The following HSH2D variants were observed in gnomAD, a reference collection of about 807,000 sequenced individuals.
HSH2D encodes the protein hematopoietic SH2 domain-containing protein.
A neutral mutation model predicts 21.5 loss-of-function variants in HSH2D; 16 were observed. The ratio of observed to expected loss-of-function variants is 0.74; its 90% confidence interval spans 0.50 to 1.13. The LOEUF (loss-of-function observed/expected upper bound fraction) is 1.13. Among genes scored for constraint, HSH2D ranks in the 50% most tolerant of loss-of-function variants. HSH2D has a pLI of 0.00. For missense variants in HSH2D, 418 were observed against 441.4 expected (o/e 0.95, Z 0.47); for synonymous variants, 172 against 184.7 (o/e 0.93, Z 0.56).
chr19:16,153,865 C>T (rs917342479), intron 4 of HSH2D, among the ~76,000 whole-genome samples: 2 of 149,934 alleles, frequency 1.3e-5, no homozygotes, highest in Non-Finnish European at 1.5e-5. Flanking sequence ...TCCCAATAAA[C>T]TGCTGTGGGC....
At chr19:16,139,544 G>A (rs181486289), upstream of HSH2D, among the ~76,000 whole-genome samples, 3 of 152,290 alleles carry the variant, frequency 2.0e-5, no homozygotes, top group East Asian at 5.8e-4. Flanking sequence ...ATGGCACAGT[G>A]CACTTCAGCC....
intron 1 of HSH2D, among the ~76,000 whole-genome samples, chr19:16,147,499 GA>G (rs984018491): frequency 4.9e-5 from 7 of 142,192 alleles, no homozygotes; most frequent in South Asian, 4.4e-4. Flanking sequence ...AAAAAAAAAA[GA>G]AAAAAAACAC....
chr19:16,150,535 G>A (rs544036178), intron 2 of HSH2D, among the ~76,000 whole-genome samples: 226 of 148,708 alleles, frequency 1.5e-3, no homozygotes, highest in Non-Finnish European at 2.4e-3. Flanking sequence ...GTAAAACTCC[G>A]TCTCAAAAAA....
At position 16,135,078 on chromosome 19, in the gene HSH2D, C is replaced by G. The variant is rs904930526; in HGVS notation, c.-324+843C>G. On this transcript the variant is annotated intron_variant, in intron 1 of 7. Transcript: ENST00000616645. Reference sequence around the variant, plus strand: ...GAGGTCAGGAGTTCAGAGTTCAAGACCAGCCTGGCCAATATGGCAAAACCC... The same window carrying G: ...GAGGTCAGGAGTTCAGAGTTCAAGAGCAGCCTGGCCAATATGGCAAAACCC... Among the ~76,000 whole-genome samples, 6 of 151,710 alleles carry G rather than the reference C, an allele frequency of 4.0e-5. No homozygotes were observed. In the South Asian group the frequency reaches 1.3e-3, roughly 32 times the overall value.
intron 1 of HSH2D, among the ~76,000 whole-genome samples, chr19:16,147,171 A>G: frequency 6.6e-6 from 1 of 152,130 alleles, no homozygotes. Flanking sequence ...TTATAAAATG[A>G]ACTTTCTAGT....
intron 2 of HSH2D, among the ~76,000 whole-genome samples, chr19:16,151,765 GA>G (rs746775825): frequency 0.1 from 6,312 of 61,188 alleles, 116 homozygotes; most frequent in African/African-American, 0.13. Flanking sequence ...TGCCACAGCT[GA>G]AAAAAAAAAA....
Position 16,153,127 on chromosome 19 carries a change from C to G in HSH2D, c.300C>G (p.Thr100=), listed in dbSNP as rs1346370992. 1 of 1,599,100 alleles carries G rather than the reference C, an allele frequency of 6.3e-7. No homozygotes were observed. Among genetic ancestry groups the G allele is most frequent in the Non-Finnish European group, 8.5e-7 (1 of 1,173,420 alleles). The change falls in exon 4 of 6, where the codon ACC becomes ACG. Residue 100 remains threonine (T), a synonymous_variant. Coordinates refer to ENST00000613986, the MANE Select transcript of HSH2D (RefSeq NM_001382417.1). ...FMIPGEKVAH[T]SLDALVTFHQ... is the part of the protein sequence containing the mutation. Reference sequence around the variant, plus strand: ...TCCCCGGGGAGAAGGTGGCCCACACCTCGCTGGACGCCCTGGTCACCTTCC... The same window carrying G: ...TCCCCGGGGAGAAGGTGGCCCACACGTCGCTGGACGCCCTGGTCACCTTCC...
chr19:16,152,653 G>A lies in HSH2D; in HGVS notation c.215+12G>A. 1 of 1,544,356 alleles carries A rather than the reference G, an allele frequency of 6.5e-7. No individual in the cohort carries two copies. Among genetic ancestry groups the A allele is most frequent in the Middle Eastern group, 1.7e-4 (1 of 5,794 alleles). ...ACACTCTCCTACAAGTAAGGCCTGG[G>A]CCGGGATCCAGGGCAGGGGCAGGTG... On this transcript the variant is annotated intron_variant, in intron 3 of 5. Transcript: ENST00000613986.
chr19:16,155,087 G>A (rs77168830), intron 5 of HSH2D, among the ~76,000 whole-genome samples: 8,380 of 152,240 alleles, frequency 0.055, 558 homozygotes, highest in East Asian at 0.28. Context: ...CATATTGAAG[G>A]TGCTTAACTA....
intron 4 of HSH2D, among the ~76,000 whole-genome samples, chr19:16,154,157 G>C (rs760248346): frequency 6.6e-6 from 1 of 151,854 alleles, no homozygotes; most frequent in East Asian, 1.9e-4. Flanking sequence ...CAGTGGGTGT[G>C]GCCTAGCTCC....
chr19:16,144,074 C>T (rs1402263948), intron 1 of HSH2D, among the ~76,000 whole-genome samples: 1 of 152,008 alleles, frequency 6.6e-6, no homozygotes, highest in Non-Finnish European at 1.5e-5. Context: ...AGAGGAGGCT[C>T]CCAGGCCAGG....
At chr19:16,152,232 A>G (rs2091167771) in intron 2 of HSH2D, among the ~76,000 whole-genome samples, 1 of 151,828 alleles carries the variant, frequency 6.6e-6, no homozygotes, top group Non-Finnish European at 1.5e-5. Flanking sequence ...CCTGGCTAAC[A>G]CAGTGAAACC....
intron 1 of HSH2D, among the ~76,000 whole-genome samples, chr19:16,134,745 G>T (rs2090949173): frequency 6.6e-6 from 1 of 152,072 alleles, no homozygotes; most frequent in South Asian, 2.1e-4. Context: ...TTCCTCATGG[G>T]TTTCAGGTCC....
intron 2 of HSH2D, 25 bp downstream of exon 2, chr19:16,148,900 C>A: frequency 1.3e-6 from 2 of 1,586,736 alleles, no homozygotes; most frequent in Non-Finnish European, 1.7e-6. Context: ...ACACCCTCCA[C>A]CCTGCCCTCC....
Position 16,148,837 on chromosome 19 carries a change from CG to C in HSH2D, c.91del (p.Val31SerfsTer52), listed in dbSNP as rs766503828. On this transcript the variant is annotated frameshift_variant, in exon 2 of 6. Coordinates refer to ENST00000613986, the MANE Select transcript of HSH2D (RefSeq NM_001382417.1). LOFTEE classifies it high-confidence loss of function. ...HTQMGQLAQD[G>X]VPEWFHGAIS... is the part of the protein sequence containing the mutation. ...CCCAGATGGGCCAGCTGGCCCAAGA[CG>C]GGGTCCCCGAGTGGTTCCATGGTGC... 1 of 1,613,572 alleles carries C rather than the reference CG, an allele frequency of 6.2e-7. No homozygotes were observed. The highest frequency in any genetic ancestry group is 8.5e-7 in the Non-Finnish European group (1 of 1,179,708).
chr19:16,137,977 T>C (rs1599405448), intron 1 of HSH2D, among the ~76,000 whole-genome samples: 1 of 152,196 alleles, frequency 6.6e-6, no homozygotes, highest in Non-Finnish European at 1.5e-5. Context: ...CAAGCAATTC[T>C]CATGCCTCAG....
rs1439838430 is a variant in HSH2D, at chr19:16,157,599, C to A, written c.864C>A (p.Val288=). 5 of 1,613,772 alleles carry A rather than the reference C, an allele frequency of 3.1e-6. No individual in the cohort carries two copies. Among genetic ancestry groups the A allele is most frequent in the East Asian group, 2.2e-5 (1 of 44,888 alleles). Residue 288 remains valine (V), a synonymous_variant, in exon 6 of 6, where the codon GTC becomes GTA. Transcript: ENST00000613986. The surrounding 1 kb of genome is among the most constrained non-coding windows in gnomAD (Gnocchi z 4.4). The stretch of plus-strand genomic sequence containing the variant: ...CCCAGGCACCAAAAGACAGAAAGGT[C>A]CCCACCAGGAAGGCCGAGAGGTCGG... ...SQPQAPKDRK[V]PTRKAERSVS... is the part of the protein sequence containing the mutation.
intron 2 of HSH2D, among the ~76,000 whole-genome samples, chr19:16,149,084 C>T (rs1429080598): frequency 6.6e-6 from 1 of 152,174 alleles, no homozygotes. Flanking sequence ...TCTCTCTGAG[C>T]CTCAGCTTTC....
intron 1 of HSH2D, among the ~76,000 whole-genome samples, chr19:16,144,614 T>C (rs2091038451): frequency 6.6e-6 from 1 of 151,446 alleles, no homozygotes; most frequent in South Asian, 2.1e-4. Flanking sequence ...AAGTGACTTA[T>C]CTGAGGTCAC....
Sources: gnomAD v4.1 joint callset for allele counts (sites outside exome capture counted in the v4.1 genomes callset) on GRCh38, gnomAD v4.1.1 for gene constraint, Gnocchi (gnomAD v3.1) non-coding constraint, MANE v1.5 for transcripts, NCBI Gene and HGNC (gene_info 2026-07-23, HGNC 2026-07-21) for gene names.